Variants in PLEKHH2 observed in about 807,000 individuals in gnomAD.
PLEKHH2 encodes pleckstrin homology, MyTH4 and FERM domain containing H2, also known as pleckstrin homology domain-containing family H member 2.
PLEKHH2 carries 129 observed loss-of-function variants against 187.9 expected under a neutral mutation model. That is an observed-to-expected ratio of 0.69 (90% CI 0.59 to 0.79). The LOEUF is 0.79. Ranked by LOEUF, PLEKHH2 falls within the 30% of genes least tolerant of loss-of-function variation. The probability of loss-of-function intolerance (pLI) is 0.00; values close to 1 mark genes in which losing one functional copy is unlikely to be tolerated. For missense variants in PLEKHH2, 2,076 were observed against 1,751.2 expected (o/e 1.19, Z -3.31); for synonymous variants, 686 against 605.6 (o/e 1.13, Z -1.95).
chr2:43,709,696 C>T (rs139993346), intron 11 of PLEKHH2, among the ~76,000 whole-genome samples: 2,605 of 152,174 alleles, frequency 0.017, 79 homozygotes, highest in African/African-American at 0.059. Flanking sequence ...ATTAGCTGGG[C>T]GTGGTGGCGC....
chr2:43,704,722 C>T (rs1669567062), intron 9 of PLEKHH2, among the ~76,000 whole-genome samples: 1 of 145,524 alleles, frequency 6.9e-6, no homozygotes, highest in Non-Finnish European at 1.5e-5. Flanking sequence ...TGTGTTTTTT[C>T]CCACAATAAA....
chr2:43,723,396 C>G (rs746128893), intron 16 of PLEKHH2, among the ~76,000 whole-genome samples: 3 of 152,152 alleles, frequency 2.0e-5, no homozygotes, highest in African/African-American at 7.2e-5. Flanking sequence ...ATACACCAAA[C>G]TGGACAAAGT....
At chr2:43,670,515 C>T (rs767430751) in intron 2 of PLEKHH2, among the ~76,000 whole-genome samples, 1 of 151,846 alleles carries the variant, frequency 6.6e-6, no homozygotes, top group Non-Finnish European at 1.5e-5. Context: ...ATTTCTGAAC[C>T]CTATTTTGTT....
intron 2 of PLEKHH2, among the ~76,000 whole-genome samples, chr2:43,649,548 T>C (rs982485672): frequency 6.6e-6 from 1 of 152,210 alleles, no homozygotes; most frequent in African/African-American, 2.4e-5. Flanking sequence ...GACAGCATAG[T>C]ATATGCTTTT....
intron 19 of PLEKHH2, among the ~76,000 whole-genome samples, chr2:43,737,678 ATG>A (rs1671358838): frequency 6.6e-6 from 1 of 152,216 alleles, no homozygotes; most frequent in South Asian, 2.1e-4. Flanking sequence ...TGCTCAAGAC[ATG>A]GCAGCTACCT....
chr2:43,660,344 C>G (rs1336207999), intron 2 of PLEKHH2, among the ~76,000 whole-genome samples: 1 of 151,346 alleles, frequency 6.6e-6, no homozygotes, highest in Non-Finnish European at 1.5e-5. Flanking sequence ...TGTAAACATT[C>G]ACATACAGGT....
intron 19 of PLEKHH2, among the ~76,000 whole-genome samples, chr2:43,737,027 A>G (rs898004554): frequency 6.6e-6 from 1 of 152,158 alleles, no homozygotes; most frequent in African/African-American, 2.4e-5. Context: ...CATCTTCTAG[A>G]ATGGAAAAAT....
At chr2:43,764,561 G>A (rs982084068) in intron 29 of PLEKHH2, among the ~76,000 whole-genome samples, 196 bp downstream of exon 29, 1 of 152,060 alleles carries the variant, frequency 6.6e-6, no homozygotes, top group Non-Finnish European at 1.5e-5. Context: ...TCCAAGCTCT[G>A]GTTTCTTTGT....
chr2:43,678,636 T>C (rs1572538393), intron 2 of PLEKHH2, among the ~76,000 whole-genome samples: 1 of 151,088 alleles, frequency 6.6e-6, no homozygotes, highest in Non-Finnish European at 1.5e-5. Flanking sequence ...GGCAGGGAGG[T>C]TGCAGTGAGC....
intron 2 of PLEKHH2, chr2:43,676,062 C>G (rs1194704884): frequency 6.2e-7 from 1 of 1,613,868 alleles, no homozygotes. Flanking sequence ...AGGTCTCTTT[C>G]AGTACAGCCC....
rs757737725 is a variant in PLEKHH2, at chr2:43,675,789, G to A, written c.124-3074G>A. The A allele has an allele frequency of 1.6e-5, 26 of 1,613,580 alleles. No homozygotes were observed. In the South Asian group the frequency reaches 2.1e-4, roughly 13 times the overall value. On this transcript the variant is annotated intron_variant, in intron 2 of 29. Coordinates refer to ENST00000282406, the MANE Select transcript of PLEKHH2 (RefSeq NM_172069.4). Reference sequence around the variant, plus strand: ...AGACAATCCCTCCTTCCACAGTCACGTATTCGAGGTCTCCAAATATAACAG... The same window carrying A: ...AGACAATCCCTCCTTCCACAGTCACATATTCGAGGTCTCCAAATATAACAG...
rs77861045 is a variant in PLEKHH2, at chr2:43,675,993, A to G, written c.124-2870A>G. ...GTACCCACCTGTCATTACTTTCTAT[A>G]TTGAACAAATTATCATTTTTAGTAT... On this transcript the variant is annotated intron_variant, in intron 2 of 29. Coordinates refer to ENST00000282406, the MANE Select transcript of PLEKHH2 (RefSeq NM_172069.4). The G allele has an allele frequency of 1.2e-3, 1,972 of 1,613,994 alleles. 25 individuals carry two copies. In the African/African-American group the frequency reaches 0.024, roughly 20 times the overall value.
In PLEKHH2 at chr2:43,700,621, C is replaced by G. The variant is rs750312007; in HGVS notation, c.1650+13C>G. The G allele has an allele frequency of 6.3e-7, 1 of 1,595,078 alleles. No individual in the cohort carries two copies. Among genetic ancestry groups the G allele is most frequent in the Admixed American group, 1.7e-5 (1 of 58,262 alleles). Reference sequence around the variant, plus strand: ...TTTTCCTTCTTGGGTAATTATATCACCGCATGTAACACATACGCAGTAGTT... The same window carrying G: ...TTTTCCTTCTTGGGTAATTATATCAGCGCATGTAACACATACGCAGTAGTT... On this transcript the variant is annotated intron_variant, in intron 8 of 29. Coordinates refer to ENST00000282406, the MANE Select transcript of PLEKHH2 (RefSeq NM_172069.4).
chr2:43,671,889 A>G (rs1472971217), intron 2 of PLEKHH2, among the ~76,000 whole-genome samples: 1 of 152,202 alleles, frequency 6.6e-6, no homozygotes, highest in African/African-American at 2.4e-5. Context: ...CTGTGTTCAC[A>G]AGGATATTCG....
intron 15 of PLEKHH2, among the ~76,000 whole-genome samples, chr2:43,715,618 G>T (rs1258783636): frequency 6.6e-6 from 1 of 152,128 alleles, no homozygotes; most frequent in Non-Finnish European, 1.5e-5. Context: ...TTTAAATAAT[G>T]GTAAGAGGTA....
chr2:43,660,088 C>A (rs1666990756), intron 2 of PLEKHH2, among the ~76,000 whole-genome samples: 1 of 152,186 alleles, frequency 6.6e-6, no homozygotes, highest in Non-Finnish European at 1.5e-5. Context: ...GATATAGTTT[C>A]TGGACCTTTA....
chr2:43,656,249 G>T (rs534001575), intron 2 of PLEKHH2, among the ~76,000 whole-genome samples: 9 of 152,228 alleles, frequency 5.9e-5, no homozygotes, highest in Non-Finnish European at 1.2e-4. Flanking sequence ...GAGTCACTGT[G>T]CCCAGCCTAT....
At chr2:43,754,869 CTTT>C (rs3066318) in intron 25 of PLEKHH2, among the ~76,000 whole-genome samples, 38 of 108,744 alleles carry the variant, frequency 3.5e-4, no homozygotes, top group African/African-American at 1.1e-3. Context: ...TTAAAATCAA[CTTT>C]TTTTTTTTTT....
chr2:43,697,374 G>A lies in PLEKHH2; in HGVS notation c.688+18G>A, dbSNP rs1351771140. ...CATGGAAGGTATTTATGAACTACAG[G>A]AATTGACTTTGGCATTTTTTAAAAA... is the stretch of plus-strand genomic sequence containing the variant. On this transcript the variant is annotated intron_variant, in intron 7 of 29. Transcript: ENST00000282406. 2 of 1,567,940 alleles carry A rather than the reference G, an allele frequency of 1.3e-6. No individual in the cohort carries two copies. Among genetic ancestry groups the A allele is most frequent in the East Asian group, 4.6e-5 (2 of 43,868 alleles).
Sources: gnomAD v4.1 joint callset for allele counts (sites outside exome capture counted in the v4.1 genomes callset) on GRCh38, gnomAD v4.1.1 for gene constraint, MANE v1.5 for transcripts, NCBI Gene and HGNC (gene_info 2026-07-23, HGNC 2026-07-21) for gene names.